Variants in ARID3B observed in about 807,000 individuals in gnomAD.
ARID3B encodes the protein AT-rich interactive domain-containing protein 3B.
Under a neutral mutation model 51.9 loss-of-function variants are expected in ARID3B, and 10 were observed. The observed-to-expected ratio is 0.19, with a 90% confidence interval of 0.12 to 0.33. The LOEUF (loss-of-function observed/expected upper bound fraction) is 0.33. Among genes scored for constraint, ARID3B ranks in the 10% least tolerant of loss-of-function variants. ARID3B has a pLI of 1.00. For missense variants in ARID3B, 483 were observed against 716.3 expected (o/e 0.67, Z 3.72); for synonymous variants, 205 against 279.5 (o/e 0.73, Z 2.66).
At chr15:74,589,388 C>G (rs1054342445) in intron 4 of ARID3B, among the ~76,000 whole-genome samples, 2 of 152,058 alleles carry the variant, frequency 1.3e-5, no homozygotes, top group Admixed American at 6.6e-5. Context: ...AGGCAGGGCT[C>G]CCCTTCTAGG....
chr15:74,581,470 T>C (rs973446041), intron 4 of ARID3B, among the ~76,000 whole-genome samples: 9 of 152,238 alleles, frequency 5.9e-5, no homozygotes, highest in Non-Finnish European at 1.0e-4. Context: ...GACGAAAATA[T>C]GTTGTCTTTT....
Position 74,592,775 on chromosome 15 carries a change from GGCTGGGTCTCATTGATCTCT to G in ARID3B, c.1421-361_1421-342del, listed in dbSNP as rs369578609. Reference sequence around the variant, plus strand: ...AGGGCAGGTGGGTCCTCAAAGTTGGGGCTGGGTCTCATTGATCTCTGATTTCCTGGGCCTGGTGTATAGTG... The same window carrying G: ...AGGGCAGGTGGGTCCTCAAAGTTGGGGATTTCCTGGGCCTGGTGTATAGTG... On this transcript the variant is annotated intron_variant, in intron 7 of 8. Transcript: ENST00000346246. Among the ~76,000 whole-genome samples the G allele has an allele frequency of 2.8e-3, 425 of 152,328 alleles. 3 individuals are homozygous for G. Among genetic ancestry groups the G allele is most frequent in the East Asian group, 0.025 (127 of 5,166 alleles).
intron 2 of ARID3B, among the ~76,000 whole-genome samples, chr15:74,545,592 G>A (rs1455647320): frequency 6.6e-6 from 1 of 152,178 alleles, no homozygotes; most frequent in Non-Finnish European, 1.5e-5. Context: ...TGACTTGTTG[G>A]TGCTTAGTAA....
intron 2 of ARID3B, among the ~76,000 whole-genome samples, chr15:74,554,006 G>A (rs767584447): frequency 6.6e-6 from 1 of 151,198 alleles, no homozygotes; most frequent in African/African-American, 2.4e-5. Context: ...TATTTTTTTT[G>A]TTGTTGTTTA....
intron 4 of ARID3B, among the ~76,000 whole-genome samples, chr15:74,587,741 T>C (rs138530608): frequency 6.6e-6 from 1 of 152,168 alleles, no homozygotes; most frequent in Admixed American, 6.5e-5. Flanking sequence ...GTCTTTCTGG[T>C]AGGGGGAAGG....
chr15:74,573,186 G>A lies in ARID3B; in HGVS notation c.679G>A (p.Val227Ile), dbSNP rs139222319. The change falls in exon 4 of 9, where the codon GTC becomes ATC. Residue 227 changes from valine (V) to isoleucine (I), a missense_variant. Transcript: ENST00000346246. ...ERKEFLDDLFVFMQKRGTPIN... is the reference protein window; with the variant it reads ...ERKEFLDDLFIFMQKRGTPIN... ...GAAAGAGTTCCTGGATGACCTCTTC[G>A]TCTTTATGCAGAAGAGGGGTGAGTG... 51 of 1,613,914 alleles carry A rather than the reference G, an allele frequency of 3.2e-5. No homozygotes were observed. Among genetic ancestry groups the A allele is most frequent in the African/African-American group, 1.2e-4 (9 of 74,882 alleles).
chr15:74,555,196 A>C (rs570787531), intron 2 of ARID3B, among the ~76,000 whole-genome samples: 1 of 152,346 alleles, frequency 6.6e-6, no homozygotes, highest in Non-Finnish European at 1.5e-5. Context: ...AGCGAGTTGT[A>C]ATCTTTTTGT....
In ARID3B at chr15:74,596,168, C is replaced by T. The variant is rs1278264363; in HGVS notation, c.*394C>T. The stretch of plus-strand genomic sequence containing the variant: ...TTATTTCCCTGACCCTGCCTTCTGC[C>T]ATGACCCCAGGGCCACTAGTCTCTT... On this transcript the variant is annotated 3_prime_UTR_variant, in exon 9 of 9. Coordinates refer to ENST00000346246, the MANE Select transcript of ARID3B (RefSeq NM_006465.4). 3.9e-6 allele frequency: 1 copy of T among 256,736 alleles called. No homozygotes were observed. The highest frequency in any genetic ancestry group is 5.9e-5 in the East Asian group (1 of 17,046). The allele number at this position is 256,736 out of a possible 1,614,324, so 15.9% of individuals were successfully genotyped here.
At chr15:74,570,462 CAAAAAAAAAAAAAAAAAAAAAAAA>C (rs71137395) in intron 2 of ARID3B, among the ~76,000 whole-genome samples, 2 of 64,592 alleles carry the variant, frequency 3.1e-5, no homozygotes, top group Non-Finnish European at 6.6e-5. Flanking sequence ...CTATAATTAG[CAAAAAAAAAAAAAAAAAAAAAAAA>C]AAAAAAAAAA....
Position 74,589,890 on chromosome 15 carries a change from G to T in ARID3B, c.768G>T (p.Val256=), listed in dbSNP as rs1490434214. ...ACCTGTACATGCTGTATAAGCTGGTGACCGAGAAGGGAGGCCTGGTGGAGA... is the reference window on the plus strand; with the variant it reads ...ACCTGTACATGCTGTATAAGCTGGTTACCGAGAAGGGAGGCCTGGTGGAGA... ...ILDLYMLYKL[V]TEKGGLVEII... The change falls in exon 5 of 9, where the codon GTG becomes GTT. Residue 256 remains valine, a synonymous_variant. Transcript: ENST00000346246. The T allele has an allele frequency of 6.2e-7, 1 of 1,614,018 alleles. No homozygotes were observed. Among genetic ancestry groups the T allele is most frequent in the Non-Finnish European group, 8.5e-7 (1 of 1,180,032 alleles).
chr15:74,595,155 C>T (rs536908591), intron 8 of ARID3B, among the ~76,000 whole-genome samples: 67 of 152,250 alleles, frequency 4.4e-4, no homozygotes, highest in Middle Eastern at 6.8e-3. Flanking sequence ...AAGTGATCCT[C>T]CTGCCTCAGC....
rs1357761423 is a variant in ARID3B, at chr15:74,547,118, A to G, written c.552+2630A>G. ...TAGAATATCCCTTGCTCCAGCAACA[A>G]TTACAAAGACCTTTACAATTGACAC... On this transcript the variant is annotated intron_variant, in intron 2 of 8. Transcript: ENST00000346246. 6.6e-5 allele frequency among the ~76,000 whole-genome samples: 10 copies of G among 152,010 alleles called. 1 individual carries two copies. Among genetic ancestry groups the G allele is most frequent in the Non-Finnish European group, 1.5e-5 (1 of 68,002 alleles).
intron 5 of ARID3B, among the ~76,000 whole-genome samples, chr15:74,590,493 G>A (rs1272630925): frequency 6.6e-6 from 1 of 152,188 alleles, no homozygotes; most frequent in African/African-American, 2.4e-5. Context: ...AGGCAGGAAG[G>A]CCCCCTTGGA....
At position 74,591,282 on chromosome 15, in the gene ARID3B, A is replaced by G; in HGVS notation, c.1013A>G (p.Tyr338Cys). Residue 338 changes from tyrosine to cysteine, a missense_variant, in exon 6 of 9, where the codon TAC becomes TGC. By Grantham distance (194) the Tyr-to-Cys change is radical. Transcript: ENST00000346246. The surrounding 1 kb of genome is among the most constrained non-coding windows in gnomAD (Gnocchi z 5.8). ...AGCTACAGCTCCTCCCTCTTTGGCT[A>G]CTCACCTGCTGCGGCTACTGCTGCT... ...RPSYSSSLFG[Y>C]SPAAATAAAA... The G allele has an allele frequency of 1.2e-6, 2 of 1,613,754 alleles. No homozygotes were observed. Among genetic ancestry groups the G allele is most frequent in the Non-Finnish European group, 1.7e-6 (2 of 1,179,944 alleles).
At chr15:74,567,651 C>T (rs557916668) in intron 2 of ARID3B, among the ~76,000 whole-genome samples, 38 of 152,284 alleles carry the variant, frequency 2.5e-4, no homozygotes, top group African/African-American at 8.9e-4. Context: ...AAGTTGCCCA[C>T]CTCCTGGGAA....
intron 4 of ARID3B, among the ~76,000 whole-genome samples, chr15:74,588,711 G>A (rs1289203614): frequency 5.3e-5 from 8 of 151,998 alleles, no homozygotes; most frequent in Admixed American, 4.6e-4. Flanking sequence ...GACTTGCCCC[G>A]CCCTCACCAT....
chr15:74,552,635 T>C (rs1211397500), intron 2 of ARID3B, among the ~76,000 whole-genome samples: 1 of 152,048 alleles, frequency 6.6e-6, no homozygotes, highest in Non-Finnish European at 1.5e-5. Context: ...AGCCCCTGAT[T>C]CTTTTCCTGT....
intron 2 of ARID3B, among the ~76,000 whole-genome samples, chr15:74,560,031 T>TAAAAAAAAAAAAGAAAAAAAAAAA (rs71137394): frequency 2.8e-5 from 1 of 35,628 alleles, no homozygotes; most frequent in Admixed American, 6.1e-4. Flanking sequence ...CTGTCTCTAC[T>TAAAAAAAAAAAAGAAAAAAAAAAA]AAAAAAAAAA....
At chr15:74,542,887 T>C (rs2061599905) in intron 1 of ARID3B, among the ~76,000 whole-genome samples, 1 of 152,130 alleles carries the variant, frequency 6.6e-6, no homozygotes, top group Non-Finnish European at 1.5e-5. Context: ...AAGTGATGTG[T>C]GTTTGGAGAC....
Sources: gnomAD v4.1 joint callset for allele counts (sites outside exome capture counted in the v4.1 genomes callset) on GRCh38, gnomAD v4.1.1 for gene constraint, Gnocchi (gnomAD v3.1) non-coding constraint, MANE v1.5 for transcripts, NCBI Gene and HGNC (gene_info 2026-07-23, HGNC 2026-07-21) for gene names.